Variants in ARHGEF7 observed in about 807,000 individuals in gnomAD.
ARHGEF7 encodes PAK-interacting exchange factor beta.
ARHGEF7 carries 33 observed loss-of-function variants against 109.8 expected under a neutral mutation model. The observed-to-expected ratio is 0.30, with a 90% CI of 0.23 to 0.40. ARHGEF7 has a LOEUF of 0.40. Ranked by LOEUF, ARHGEF7 falls within the 10% of genes least tolerant of loss-of-function variation. ARHGEF7 has a pLI of 1.00. For missense variants in ARHGEF7, 938 were observed against 1,098.5 expected, an observed-to-expected ratio of 0.85 and a Z score of 2.07; for synonymous variants, 458 against 424.6, an observed-to-expected ratio of 1.08 and a Z score of -0.97.
chr13:111,127,673 A>AGAAG (rs71127996), intron 1 of ARHGEF7, among the ~76,000 whole-genome samples: 4 of 106,566 alleles, frequency 3.8e-5, no homozygotes, highest in South Asian at 3.0e-4. Flanking sequence ...AAAAAAAAAA[A>AGAAG]GAAGGAAGGA....
At chr13:111,213,783 CCTGTAACA>C (rs1440748672) in intron 4 of ARHGEF7, among the ~76,000 whole-genome samples, 1 of 152,184 alleles carries the variant, frequency 6.6e-6, no homozygotes, top group Non-Finnish European at 1.5e-5. Flanking sequence ...CTTCCAGCTT[CCTGTAACA>C]CTACTGACAG....
At chr13:111,203,150 G>A (rs900170908) in intron 2 of ARHGEF7, 1 of 1,245,376 alleles carries the variant, frequency 8.0e-7, no homozygotes, top group Non-Finnish European at 1.0e-6. Flanking sequence ...ATTTCTTTTT[G>A]TAGTATACAA....
intron 19 of ARHGEF7, among the ~76,000 whole-genome samples, chr13:111,298,461 C>G (rs1169728996): frequency 6.6e-6 from 1 of 152,188 alleles, no homozygotes; most frequent in African/African-American, 2.4e-5. Flanking sequence ...CAGAAGGCAG[C>G]CCAGGGCCCA....
intron 2 of ARHGEF7, chr13:111,203,093 G>A: frequency 7.8e-7 from 1 of 1,284,182 alleles, no homozygotes; most frequent in Non-Finnish European, 1.0e-6. Flanking sequence ...TGGGTTTTGT[G>A]ACTTGCTGCC....
intron 5 of ARHGEF7, among the ~76,000 whole-genome samples, chr13:111,220,645 G>A (rs2083712011): frequency 6.6e-6 from 1 of 152,124 alleles, no homozygotes; most frequent in African/African-American, 2.4e-5. Flanking sequence ...GGAAGGCATC[G>A]TGAGCCCCCG....
intron 5 of ARHGEF7, among the ~76,000 whole-genome samples, chr13:111,231,751 A>G (rs921449114): frequency 1.3e-5 from 2 of 152,166 alleles, no homozygotes; most frequent in Non-Finnish European, 2.9e-5. Flanking sequence ...AGCAGAAGGC[A>G]TGGACTGTAG....
chr13:111,194,681 A>T (rs1226431972), intron 2 of ARHGEF7, among the ~76,000 whole-genome samples: 1 of 152,212 alleles, frequency 6.6e-6, no homozygotes, highest in Non-Finnish European at 1.5e-5. Flanking sequence ...AATCATCCAC[A>T]TGCTGAAGGA....
At chr13:111,247,417 C>T (rs1024802423) in intron 8 of ARHGEF7, among the ~76,000 whole-genome samples, 45 of 152,004 alleles carry the variant, frequency 3.0e-4, no homozygotes, top group Middle Eastern at 3.4e-3. Flanking sequence ...TACAGGCGTG[C>T]GCCACCATGC....
Position 111,277,613 on chromosome 13 carries a change from C to T in ARHGEF7, c.1446C>T (p.Leu482=). The change falls in exon 13 of 22, where the codon CTC becomes CTT. Residue 482 remains leucine (L), a synonymous_variant. Coordinates refer to ENST00000646102, the MANE Select transcript of ARHGEF7 (RefSeq NM_001354046.2). ...SEEKNERYLL[L]FPNVLLMLSA... ...AAAAGAATGAAAGATATCTTCTACT[C>T]TTCCCAAATGTTTTGCTAATGTTGT... 6.2e-7 allele frequency: 1 copy of T among 1,606,828 alleles called. No homozygotes were observed. The highest frequency in any genetic ancestry group is 2.2e-5 in the East Asian group (1 of 44,782).
chr13:111,203,968 G>A (rs2081473285), intron 2 of ARHGEF7, among the ~76,000 whole-genome samples: 1 of 152,214 alleles, frequency 6.6e-6, no homozygotes, highest in African/African-American at 2.4e-5. Flanking sequence ...TGTGCTGGGT[G>A]TTGGGAGATG....
chr13:111,120,215 C>A (rs151011662), intron 1 of ARHGEF7, among the ~76,000 whole-genome samples: 1 of 152,314 alleles, frequency 6.6e-6, no homozygotes, highest in African/African-American at 2.4e-5. Context: ...GTAGCTGGAA[C>A]TGCATTTGCT....
chr13:111,283,144 C>T lies in ARHGEF7; in HGVS notation c.1731C>T (p.Pro577=), dbSNP rs770857960. ...CCGCTCTGTGCCCTTGGCAGCTCCC[C>T]TCCCACCCGGTCACTCCGTCCAGCA... ...KPHSVPSHTL[P]SHPVTPSSKH... The change falls in exon 16 of 22, where the codon CCC becomes CCT. Residue 577 remains proline, a synonymous_variant. Transcript: ENST00000646102. The T allele has an allele frequency of 1.3e-6, 2 of 1,585,050 alleles. No homozygotes were observed. Among genetic ancestry groups the T allele is most frequent in the Non-Finnish European group, 8.6e-7 (1 of 1,165,826 alleles).
At chr13:111,297,932 C>G (rs992056554) in intron 19 of ARHGEF7, among the ~76,000 whole-genome samples, 2 of 152,232 alleles carry the variant, frequency 1.3e-5, no homozygotes, top group African/African-American at 4.8e-5. Context: ...ATAACTTTTT[C>G]CAGTGTGTCT....
chr13:111,163,660 A>G (rs1233806311), intron 2 of ARHGEF7, among the ~76,000 whole-genome samples: 2 of 151,948 alleles, frequency 1.3e-5, no homozygotes, highest in Non-Finnish European at 1.5e-5. Flanking sequence ...CACCCCACCA[A>G]GTACCTTAGA....
At chr13:111,169,562 G>T (rs1015530906) in intron 2 of ARHGEF7, among the ~76,000 whole-genome samples, 4 of 152,016 alleles carry the variant, frequency 2.6e-5, no homozygotes, top group African/African-American at 9.7e-5. Context: ...CTCCCACCAG[G>T]CCCCACCTCC....
At chr13:111,233,633 G>A (rs528602454) in intron 6 of ARHGEF7, among the ~76,000 whole-genome samples, 1 of 152,298 alleles carries the variant, frequency 6.6e-6, no homozygotes, top group African/African-American at 2.4e-5. Context: ...TATGCATTGA[G>A]TGCCATTCTG....
At chr13:111,294,394 C>T (rs1488937006) in intron 19 of ARHGEF7, 27 of 985,322 alleles carry the variant, frequency 2.7e-5, no homozygotes, top group Non-Finnish European at 3.1e-5. Flanking sequence ...ACAGTTGCTG[C>T]ACTTGGATTT....
chr13:111,283,436 T>C (rs1465120890), intron 16 of ARHGEF7, 73 bp downstream of exon 16: 50 of 1,503,702 alleles, frequency 3.3e-5, no homozygotes, highest in Non-Finnish European at 3.8e-5. Flanking sequence ...GCCCACGTGC[T>C]GGGCCTTCTG....
At chr13:111,232,179 C>T (rs567558677) in intron 5 of ARHGEF7, among the ~76,000 whole-genome samples, 21 of 152,136 alleles carry the variant, frequency 1.4e-4, no homozygotes, top group African/African-American at 5.1e-4. Flanking sequence ...ATAGACACAC[C>T]CTATCCATCT....
Sources: allele counts gnomAD v4.1 joint callset (sites outside exome capture counted in the v4.1 genomes callset), GRCh38; gene constraint gnomAD v4.1.1; transcripts MANE v1.5; gene names NCBI Gene and HGNC (gene_info 2026-07-23, HGNC 2026-07-21).